XRN2: variants seen among roughly 807,000 people sequenced by gnomAD.
The protein encoded by XRN2 is 5'-3' exoribonuclease 2.
Under a neutral mutation model 138.5 loss-of-function variants are expected in XRN2, and 44 were observed. The ratio of observed to expected loss-of-function variants is 0.32; its 90% confidence interval spans 0.25 to 0.41. XRN2 has a LOEUF of 0.41. XRN2 is among the 10% of genes least tolerant of loss of function. The pLI is 1.00. For missense variants in XRN2, 937 were observed against 1,169.3 expected (o/e 0.80, Z 2.90); for synonymous variants, 354 against 369.4 (o/e 0.96, Z 0.48).
At chr20:21,331,136 A>G (rs1047238815) in intron 6 of XRN2, among the ~76,000 whole-genome samples, 14 of 152,104 alleles carry the variant, frequency 9.2e-5, no homozygotes, top group African/African-American at 2.9e-4. Flanking sequence ...TTCCCTATTA[A>G]TGAGAAATGG....
intron 3 of XRN2, among the ~76,000 whole-genome samples, chr20:21,327,046 A>T (rs962631637): frequency 6.6e-6 from 1 of 152,070 alleles, no homozygotes; most frequent in Non-Finnish European, 1.5e-5. Context: ...GTGGTGGGAG[A>T]TGGATGGGAC....
chr20:21,317,363 C>T (rs189725931), intron 1 of XRN2, among the ~76,000 whole-genome samples: 4 of 151,854 alleles, frequency 2.6e-5, no homozygotes, highest in African/African-American at 9.7e-5. Context: ...TGAAGATGAT[C>T]GTGTCATTTT....
intron 15 of XRN2, among the ~76,000 whole-genome samples, chr20:21,342,246 T>C (rs967823921): frequency 2.0e-5 from 3 of 152,212 alleles, no homozygotes; most frequent in Admixed American, 6.5e-5. Flanking sequence ...CTAATACTTA[T>C]CTACTGATGA....
chr20:21,356,790 C>A, intron 23 of XRN2, 125 bp downstream of exon 23: 1 of 853,580 alleles, frequency 1.2e-6, no homozygotes, highest in Non-Finnish European at 1.8e-6. Context: ...TAAGACAAAA[C>A]CTTGCTGACT....
chr20:21,370,025 AT>A (rs1350990071), intron 27 of XRN2, among the ~76,000 whole-genome samples: 2 of 152,042 alleles, frequency 1.3e-5, no homozygotes, highest in African/African-American at 4.8e-5. Context: ...TTTTTATTTG[AT>A]TTTTTATATG....
In XRN2 at chr20:21,389,259, T is replaced by C. The variant is rs745754044; in HGVS notation, c.2788-14T>C. On this transcript the variant is annotated splice_polypyrimidine_tract_variant and intron_variant, in intron 29 of 29. Transcript: ENST00000377191. ...CGGTCCAGAAAATAAACTCTTTCTT[T>C]TGTTTATTTTCAGGGATATCCCAGA... 2 of 1,609,282 alleles carry C rather than the reference T, an allele frequency of 1.2e-6. No individual in the cohort carries two copies. Among genetic ancestry groups the C allele is most frequent in the South Asian group, 2.2e-5 (2 of 90,260 alleles).
chr20:21,389,230 G>GTA (rs1182300007), intron 29 of XRN2, 43 bp from the exon 30 acceptor site: 1 of 1,558,054 alleles, frequency 6.4e-7, no homozygotes, highest in South Asian at 1.2e-5. Flanking sequence ...ACTTGCAGGA[G>GTA]TATCGGTCCA....
chr20:21,332,514 TATC>T (rs2038227315), intron 9 of XRN2, 74 bp downstream of exon 9: 6 of 1,399,832 alleles, frequency 4.3e-6, no homozygotes, highest in Middle Eastern at 1.9e-4. Context: ...TGACATAAAA[TATC>T]ATTTCAACCA....
intron 20 of XRN2, among the ~76,000 whole-genome samples, chr20:21,352,658 G>A (rs756792402): frequency 2.6e-5 from 4 of 152,044 alleles, no homozygotes; most frequent in African/African-American, 4.8e-5. Context: ...AAGCAGTATC[G>A]TTTTGGTCAA....
chr20:21,303,748 G>T, intron 1 of XRN2: 1 of 1,200,900 alleles, frequency 8.3e-7, no homozygotes, highest in Non-Finnish European at 1.0e-6. Flanking sequence ...GCTTTTTCCC[G>T]GCACCGGAAG....
At chr20:21,351,064 T>G (rs936154291) in intron 20 of XRN2, among the ~76,000 whole-genome samples, 8 of 152,204 alleles carry the variant, frequency 5.3e-5, no homozygotes, top group African/African-American at 1.9e-4. Flanking sequence ...GTTTGTTAAA[T>G]AAGTAAATTA....
chr20:21,380,796 A>G (rs760921320), intron 27 of XRN2, among the ~76,000 whole-genome samples: 3 of 152,232 alleles, frequency 2.0e-5, no homozygotes, highest in Non-Finnish European at 2.9e-5. Context: ...CCAGCTGGCC[A>G]TGGACTGATG....
intron 24 of XRN2, among the ~76,000 whole-genome samples, chr20:21,359,720 A>T (rs2038615659): frequency 6.6e-6 from 1 of 152,154 alleles, no homozygotes; most frequent in African/African-American, 2.4e-5. Context: ...TGAGGCAGAG[A>T]TCCAGTTTTT....
chr20:21,315,701 C>T (rs1294950825), intron 1 of XRN2, among the ~76,000 whole-genome samples: 2 of 152,102 alleles, frequency 1.3e-5, no homozygotes, highest in African/African-American at 4.8e-5. Context: ...GCCATATTGC[C>T]CAGGCTGGTC....
intron 27 of XRN2, among the ~76,000 whole-genome samples, chr20:21,381,719 C>T (rs6132422): frequency 8.6e-3 from 33 of 3,826 alleles, no homozygotes; most frequent in Admixed American, 9.9e-3. Context: ...CACATACACA[C>T]ACACACACAC....
At position 21,342,935 on chromosome 20, in the gene XRN2, T is replaced by G. The variant is rs34210444; in HGVS notation, c.1411-1155T>G. On this transcript the variant is annotated intron_variant, in intron 15 of 29. Transcript: ENST00000377191. ...CCTTCCTGTATTTATTTTTATTGGG[T>G]TTTTTTTTGACAATATTGTCTGTAC... Among the ~76,000 whole-genome samples, 596 of 151,298 alleles carry G rather than the reference T, an allele frequency of 3.9e-3. 2 individuals are homozygous for G. The highest frequency in any genetic ancestry group is 6.2e-3 in the Non-Finnish European group (418 of 67,796).
intron 24 of XRN2, among the ~76,000 whole-genome samples, chr20:21,360,114 C>T (rs189885965): frequency 4.6e-4 from 70 of 152,228 alleles, no homozygotes; most frequent in Admixed American, 9.8e-4. Context: ...TCTAATTCCA[C>T]AAATTATTCA....
intron 19 of XRN2, among the ~76,000 whole-genome samples, chr20:21,349,119 G>A (rs921573203): frequency 2.0e-5 from 3 of 152,296 alleles, no homozygotes; most frequent in South Asian, 2.1e-4. Context: ...GTTAGAGTAC[G>A]TAAACCCTTT....
At chr20:21,339,862 T>C (rs562779449) in intron 14 of XRN2, among the ~76,000 whole-genome samples, 3 of 152,306 alleles carry the variant, frequency 2.0e-5, no homozygotes, top group Admixed American at 1.3e-4. Flanking sequence ...ATTTTCAAGC[T>C]TGTGGAGTTT....
Sources: allele counts gnomAD v4.1 joint callset (sites outside exome capture counted in the v4.1 genomes callset), GRCh38; gene constraint gnomAD v4.1.1; transcripts MANE v1.5; gene names NCBI Gene and HGNC (gene_info 2026-07-23, HGNC 2026-07-21).